KCNJ3: variants seen among roughly 807,000 people sequenced by gnomAD.
KCNJ3 encodes the protein G protein-activated inward rectifier potassium channel 1.
In KCNJ3, 4 loss-of-function variants were observed where a neutral mutation model predicts 39.2. The ratio of observed to expected loss-of-function variants is 0.10; its 90% CI spans 0.05 to 0.23. The LOEUF is 0.23. KCNJ3 is among the 10% of genes least tolerant of loss of function. The pLI, the probability that KCNJ3 is intolerant of heterozygous loss-of-function variation, is 1.00. For missense variants in KCNJ3, 276 were observed against 634.9 expected, an observed-to-expected ratio of 0.43 and a Z score of 6.08; for synonymous variants, 230 against 237.4, an observed-to-expected ratio of 0.97 and a Z score of 0.29.
At chr2:154,704,318 G>A (rs954069749) in intron 1 of KCNJ3, among the ~76,000 whole-genome samples, 5 of 152,048 alleles carry the variant, frequency 3.3e-5, no homozygotes, top group Non-Finnish European at 5.9e-5. Flanking sequence ...TAATAGATTG[G>A]AGGGTATTTG....
At chr2:154,746,031 A>G (rs1574445074) in intron 2 of KCNJ3, among the ~76,000 whole-genome samples, 1 of 151,544 alleles carries the variant, frequency 6.6e-6, no homozygotes, top group Admixed American at 6.6e-5. Flanking sequence ...ATCAAGACCA[A>G]CTCCTCCTCT....
In KCNJ3 at chr2:154,857,917, AAAAAAAAAAAGAAT is replaced by A. The variant is rs2105145854; in HGVS notation, c.*2610_*2623del. On this transcript the variant is annotated 3_prime_UTR_variant, in exon 3 of 3. Transcript: ENST00000295101. ...AAAAAAAAAAAAAAAAAAAAAAAAAAAAAAAAAAAAGAATAAAAACAGGGTAACATAATGCAAAG... is the reference window on the plus strand; with the variant it reads ...AAAAAAAAAAAAAAAAAAAAAAAAAAAAAAACAGGGTAACATAATGCAAAG... 1 of 124,380 alleles carries A rather than the reference AAAAAAAAAAAGAAT, an allele frequency of 8.0e-6. No individual in the cohort carries two copies. The highest frequency in any genetic ancestry group is 3.2e-4 in the East Asian group (1 of 3,150). The allele number at this position is 124,380 out of a possible 1,614,324, so 7.7% of individuals were successfully genotyped here. A position where few individuals can be genotyped will look rare whatever the true frequency, so the allele number is the denominator to read the frequency against.
intron 2 of KCNJ3, among the ~76,000 whole-genome samples, chr2:154,741,498 ATTGTG>A (rs1685653556): frequency 6.6e-6 from 1 of 151,508 alleles, no homozygotes; most frequent in Non-Finnish European, 1.5e-5. Context: ...CAGAGAATCG[ATTGTG>A]TTAAGAATTA....
chr2:154,762,123 A>G lies in KCNJ3; in HGVS notation c.919+52304A>G, dbSNP rs112237822. On this transcript the variant is annotated intron_variant, in intron 2 of 2. Transcript: ENST00000295101. ...CCTCCAGCAGGAACACAGCCCTCTC[A>G]ATGCCTTGGTGTTATACTTCTGATC... Among the ~76,000 whole-genome samples, 791 of 152,298 alleles carry G rather than the reference A, an allele frequency of 5.2e-3. 6 individuals carry two copies. Among genetic ancestry groups the G allele is most frequent in the Non-Finnish European group, 9.3e-3 (635 of 68,026 alleles).
intron 2 of KCNJ3, among the ~76,000 whole-genome samples, chr2:154,831,242 T>TAA (rs1338063128): frequency 1.3e-5 from 2 of 152,278 alleles, no homozygotes; most frequent in African/African-American, 2.4e-5. Context: ...TTTCAGGTGA[T>TAA]AAGTACAGTT....
At chr2:154,716,313 G>A (rs373244351) in intron 2 of KCNJ3, among the ~76,000 whole-genome samples, 14 of 137,272 alleles carry the variant, frequency 1.0e-4, no homozygotes, top group African/African-American at 3.8e-4. Context: ...TTTTAGTAGA[G>A]ATGGGGTTTC....
At chr2:154,848,769 T>C (rs976339012) in intron 2 of KCNJ3, among the ~76,000 whole-genome samples, 5 of 152,126 alleles carry the variant, frequency 3.3e-5, no homozygotes, top group African/African-American at 1.2e-4. Context: ...GCATAGGTGG[T>C]AGAGCTGGGA....
In KCNJ3 at chr2:154,768,946, T is replaced by C. The variant is rs1386886144; in HGVS notation, c.919+59127T>C. ...CCTAGGTATTTTATTCTTTTTGAAG[T>C]AATTGTGAATGGGAGTTCACTCATG... On this transcript the variant is annotated intron_variant, in intron 2 of 2. Coordinates refer to ENST00000295101, the MANE Select transcript of KCNJ3 (RefSeq NM_002239.4). 3.9e-5 allele frequency among the ~76,000 whole-genome samples: 6 copies of C among 152,124 alleles called. No individual in the cohort carries two copies. The East Asian group carries it at 9.6e-4, about 24-fold the overall frequency.
chr2:154,763,264 T>C lies in KCNJ3; in HGVS notation c.919+53445T>C, dbSNP rs1358093385. On this transcript the variant is annotated intron_variant, in intron 2 of 2. Transcript: ENST00000295101. ...TAATAAGGCTTAGAAGCTAATGTGC[T>C]GTCAAGAAGAAATAAACGGAATCTT... Among the ~76,000 whole-genome samples, 6 of 152,302 alleles carry C rather than the reference T, an allele frequency of 3.9e-5. No homozygotes were observed. In the East Asian group the frequency reaches 9.7e-4, roughly 25 times the overall value.
At chr2:154,721,213 G>A (rs373803071) in intron 2 of KCNJ3, among the ~76,000 whole-genome samples, 1 of 151,870 alleles carries the variant, frequency 6.6e-6, no homozygotes, top group Non-Finnish European at 1.5e-5. Flanking sequence ...AATCTTTTAC[G>A]CAAAAGGTCA....
At chr2:154,853,150 A>T (rs1490187801) in intron 2 of KCNJ3, among the ~76,000 whole-genome samples, 1 of 151,956 alleles carries the variant, frequency 6.6e-6, no homozygotes, top group African/African-American at 2.4e-5. Context: ...AATGGAAAAA[A>T]AAAAAAAGAG....
chr2:154,758,838 G>T (rs1284912778), intron 2 of KCNJ3, among the ~76,000 whole-genome samples: 1 of 152,172 alleles, frequency 6.6e-6, no homozygotes, highest in East Asian at 1.9e-4. Context: ...TATGAAAGAG[G>T]ACAGTTGAAC....
chr2:154,717,882 T>C (rs888967462), intron 2 of KCNJ3, among the ~76,000 whole-genome samples: 29 of 152,176 alleles, frequency 1.9e-4, no homozygotes, highest in Non-Finnish European at 3.8e-4. Context: ...GCAAACTACG[T>C]AGTGTTATGG....
At chr2:154,829,081 T>G (rs887286767) in intron 2 of KCNJ3, among the ~76,000 whole-genome samples, 1 of 152,148 alleles carries the variant, frequency 6.6e-6, no homozygotes, top group Admixed American at 6.5e-5. Flanking sequence ...CTGTGGGACC[T>G]CAGAATGGGT....
At chr2:154,781,848 T>G (rs1405897612) in intron 2 of KCNJ3, among the ~76,000 whole-genome samples, 1 of 152,216 alleles carries the variant, frequency 6.6e-6, no homozygotes, top group Non-Finnish European at 1.5e-5. Context: ...CTTACCTTAC[T>G]CTTAGGAGGG....
intron 2 of KCNJ3, among the ~76,000 whole-genome samples, chr2:154,811,649 T>G (rs147320257): frequency 6.2e-4 from 95 of 152,266 alleles, no homozygotes; most frequent in African/African-American, 2.1e-3. Flanking sequence ...TATCAATTCA[T>G]GAGCCCTCAC....
intron 2 of KCNJ3, among the ~76,000 whole-genome samples, chr2:154,833,519 A>C (rs1388713799): frequency 5.9e-5 from 9 of 152,194 alleles, no homozygotes; most frequent in Admixed American, 5.9e-4. Flanking sequence ...CATCTGTTAT[A>C]ATCAATGAAC....
intron 2 of KCNJ3, among the ~76,000 whole-genome samples, chr2:154,799,647 C>T (rs951639220): frequency 1.3e-5 from 2 of 152,170 alleles, no homozygotes; most frequent in African/African-American, 4.8e-5. Flanking sequence ...GGTCCCTCTT[C>T]CAATCTACCA....
Position 154,733,985 on chromosome 2 carries a change from A to G in KCNJ3, c.919+24166A>G, listed in dbSNP as rs188255653. On this transcript the variant is annotated intron_variant, in intron 2 of 2. Coordinates refer to ENST00000295101, the MANE Select transcript of KCNJ3 (RefSeq NM_002239.4). ...TTATGAGTCCTGAAACTTACACAAT[A>G]TAAAGAACTCTGTATTACGTTTGCA... Among the ~76,000 whole-genome samples the G allele has an allele frequency of 5.5e-3, 830 of 152,288 alleles. 7 individuals are homozygous for G. Among genetic ancestry groups the G allele is most frequent in the Non-Finnish European group, 8.1e-3 (552 of 68,024 alleles).
Sources: allele counts gnomAD v4.1 joint callset (sites outside exome capture counted in the v4.1 genomes callset), GRCh38; gene constraint gnomAD v4.1.1; transcripts MANE v1.5; gene names NCBI Gene and HGNC (gene_info 2026-07-23, HGNC 2026-07-21).